The following SCHIP1 variants were observed in gnomAD, a reference collection of about 807,000 sequenced individuals.
SCHIP1 encodes schwannomin-interacting protein 1.
SCHIP1 carries 8 observed loss-of-function variants against 29.7 expected under a neutral mutation model. The ratio of observed to expected loss-of-function variants is 0.27; its 90% CI spans 0.16 to 0.49. The LOEUF (loss-of-function observed/expected upper bound fraction) is 0.49. Ranked by LOEUF, SCHIP1 falls within the 20% of genes least tolerant of loss-of-function variation. The probability of loss-of-function intolerance (pLI) is 0.99; values close to 1 mark genes in which losing one functional copy is unlikely to be tolerated. For synonymous variants in SCHIP1, 76 were observed against 94.9 expected (o/e 0.80, Z 1.16); for missense variants, 193 against 294.6 (o/e 0.66, Z 2.52).
chr3:159,479,682 G>A, the SCHIP1 span, among the ~76,000 whole-genome samples: 2 of 152,022 alleles, frequency 1.3e-5, no homozygotes, highest in Non-Finnish European at 2.9e-5. Flanking sequence ...CTGAATGGAC[G>A]GTTAACTCTC....
At chr3:159,873,186 A>G (rs1038845932) in intron 2 of SCHIP1, among the ~76,000 whole-genome samples, 1 of 152,238 alleles carries the variant, frequency 6.6e-6, no homozygotes, top group African/African-American at 2.4e-5. Flanking sequence ...GAAGAGCTCA[A>G]TGCCCAATTT....
the SCHIP1 span, among the ~76,000 whole-genome samples, chr3:159,388,002 C>T: frequency 1.3e-5 from 2 of 152,038 alleles, no homozygotes; most frequent in Non-Finnish European, 2.9e-5. Flanking sequence ...AGAAATTATT[C>T]AGTTAATGAC....
the SCHIP1 span, among the ~76,000 whole-genome samples, chr3:159,368,559 C>A: frequency 6.6e-6 from 1 of 152,164 alleles, no homozygotes; most frequent in Non-Finnish European, 1.5e-5. Flanking sequence ...AATGGTGGTA[C>A]TAGACATTGG....
At chr3:159,834,984 G>A (rs1419963457), upstream of SCHIP1, among the ~76,000 whole-genome samples, 1 of 152,136 alleles carries the variant, frequency 6.6e-6, no homozygotes, top group East Asian at 1.9e-4. Flanking sequence ...TTTGGGTGCG[G>A]CATTCAAGGA....
chr3:159,721,732 T>C, the SCHIP1 span: 2 of 433,056 alleles, frequency 4.6e-6, no homozygotes, highest in South Asian at 2.1e-5. Context: ...CACAGCCATG[T>C]TGGTAGGCAC....
chr3:159,750,084 T>C, the SCHIP1 span, among the ~76,000 whole-genome samples: 365 of 152,048 alleles, frequency 2.4e-3, 1 homozygote, highest in African/African-American at 8.2e-3. Context: ...TATCAGATCA[T>C]TGGGGCATCA....
the SCHIP1 span, among the ~76,000 whole-genome samples, chr3:159,473,823 A>C: frequency 6.6e-6 from 1 of 152,100 alleles, no homozygotes; most frequent in African/African-American, 2.4e-5. Flanking sequence ...AATTTCAAAA[A>C]TAAATTCTTG....
chr3:159,386,561 AC>A, the SCHIP1 span, among the ~76,000 whole-genome samples: 2 of 151,916 alleles, frequency 1.3e-5, no homozygotes, highest in African/African-American at 4.8e-5. Context: ...TTCATATGGA[AC>A]CAAAAAAGAG....
At chr3:159,808,752 C>A in the SCHIP1 span, among the ~76,000 whole-genome samples, 1 of 152,060 alleles carries the variant, frequency 6.6e-6, no homozygotes, top group Admixed American at 6.5e-5. Context: ...TGTCTGCAGA[C>A]ACTTCATTAT....
chr3:159,717,050 G>C, the SCHIP1 span, among the ~76,000 whole-genome samples: 1 of 152,202 alleles, frequency 6.6e-6, no homozygotes, highest in South Asian at 2.1e-4. Context: ...TCAGACCACA[G>C]TGCAATCAAA....
At chr3:159,527,304 C>T in the SCHIP1 span, among the ~76,000 whole-genome samples, 1 of 152,168 alleles carries the variant, frequency 6.6e-6, no homozygotes, top group Admixed American at 6.5e-5. Context: ...TTTATTTTCA[C>T]AACCAAGGAG....
chr3:159,759,354 A>T, the SCHIP1 span, among the ~76,000 whole-genome samples: 1 of 152,212 alleles, frequency 6.6e-6, no homozygotes, highest in Non-Finnish European at 1.5e-5. Context: ...ATAGATCTGG[A>T]TTTTTAATTA....
chr3:159,397,131 C>G, the SCHIP1 span, among the ~76,000 whole-genome samples: 1 of 151,724 alleles, frequency 6.6e-6, no homozygotes, highest in African/African-American at 2.4e-5. Flanking sequence ...GAGGCTTCTG[C>G]ATTCTTCACG....
At chr3:159,581,211 CAG>C in the SCHIP1 span, among the ~76,000 whole-genome samples, 589 of 152,224 alleles carry the variant, frequency 3.9e-3, 5 homozygotes, top group African/African-American at 0.014. Flanking sequence ...ATATATAAAA[CAG>C]AGAAAATAAG....
chr3:159,567,515 T>C, the SCHIP1 span, among the ~76,000 whole-genome samples: 3 of 152,152 alleles, frequency 2.0e-5, no homozygotes, highest in Non-Finnish European at 2.9e-5. Context: ...TTTTTTTCTA[T>C]TGGGTTAACC....
At chr3:159,554,226 G>A in the SCHIP1 span, among the ~76,000 whole-genome samples, 1 of 152,114 alleles carries the variant, frequency 6.6e-6, no homozygotes, top group Non-Finnish European at 1.5e-5. Flanking sequence ...TATCCTGATT[G>A]TGCTGTTCTG....
chr3:159,672,171 C>A, the SCHIP1 span, among the ~76,000 whole-genome samples: 1 of 152,190 alleles, frequency 6.6e-6, no homozygotes, highest in Non-Finnish European at 1.5e-5. Flanking sequence ...TTTTCTGAAT[C>A]TATTTATTAT....
the SCHIP1 span, among the ~76,000 whole-genome samples, chr3:159,553,625 A>C: frequency 3.3e-5 from 5 of 152,200 alleles, no homozygotes. Flanking sequence ...TTATCTCATA[A>C]ATAGAAACAG....
the SCHIP1 span, among the ~76,000 whole-genome samples, chr3:159,318,872 GACC>G: frequency 2.7e-3 from 418 of 152,224 alleles, no homozygotes; most frequent in Non-Finnish European, 4.4e-3. Context: ...GTGAGTTGAT[GACC>G]CATAGTCAAA....
Sources: gnomAD v4.1 joint callset for allele counts (sites outside exome capture counted in the v4.1 genomes callset) on GRCh38, gnomAD v4.1.1 for gene constraint, MANE v1.5 for transcripts, NCBI Gene and HGNC (gene_info 2026-07-23, HGNC 2026-07-21) for gene names.